Variants in DEAF1 observed in about 807,000 individuals in gnomAD.
DEAF1 encodes DEAF1 transcription factor.
Under a neutral mutation model 58.9 loss-of-function variants are expected in DEAF1, and 53 were observed. That is an observed-to-expected ratio of 0.90 (90% CI 0.72 to 1.13). The LOEUF is 1.13. Among genes scored for constraint, DEAF1 ranks in the 50% most tolerant of loss-of-function variants. DEAF1 has a pLI of 0.00. For synonymous variants in DEAF1, 385 were observed against 340.4 expected (o/e 1.13, Z -1.44); for missense variants, 685 against 791.4 (o/e 0.87, Z 1.61).
intron 11 of DEAF1, among the ~76,000 whole-genome samples, chr11:650,500 T>C (rs906904578): frequency 2.7e-5 from 4 of 150,468 alleles, no homozygotes; most frequent in African/African-American, 9.7e-5. Flanking sequence ...AGTAACAAGA[T>C]GTTTGTTTAT....
chr11:701,612 T>C (rs534810346), intron 1 of DEAF1, among the ~76,000 whole-genome samples: 5 of 151,934 alleles, frequency 3.3e-5, no homozygotes, highest in African/African-American at 1.2e-4. Context: ...GGTTTCACCA[T>C]GTTAGCCAGG....
rs977977311 is a variant in DEAF1 at position 701,625 on chromosome 11, G to A, written c.-438+4947C>T. On this transcript the variant is annotated intron_variant, in intron 1 of 11. Coordinates refer to the DEAF1 transcript ENST00000683307. ...GGGGTTTCACCATGTTAGCCAGGATGGTTTCCATCTCCTGACCTCCTGATC... is the reference window on the plus strand; with the variant it reads ...GGGGTTTCACCATGTTAGCCAGGATAGTTTCCATCTCCTGACCTCCTGATC... Among the ~76,000 whole-genome samples, 4 of 151,830 alleles carry A rather than the reference G, an allele frequency of 2.6e-5. 1 individual carries two copies. Among genetic ancestry groups the A allele is most frequent in the African/African-American group, 4.8e-5 (2 of 41,328 alleles).
At position 694,859 on chromosome 11, in the gene DEAF1, G is replaced by C; in HGVS notation, c.189C>G (p.Val63=). The change falls in exon 1 of 12, where the codon GTC becomes GTG. Residue 63 remains valine, a synonymous_variant. Transcript: ENST00000382409. The part of the protein sequence containing the change: ...DSEAERETPR[V]TAVAVMAAEP... ...CCGCCGCCATCACCGCCACTGCCGT[G>C]ACCCGCGGCGTCTCCCGCTCCGCCT... 6.7e-7 allele frequency: 1 copy of C among 1,497,678 alleles called. No individual in the cohort carries two copies. The highest frequency in any genetic ancestry group is 8.9e-7 in the Non-Finnish European group (1 of 1,128,732). 92.8% of individuals were successfully genotyped at this position (1,497,678 alleles called of 1,614,324 possible).
rs1860687284 is a variant in DEAF1, at chr11:688,377, G to A, written c.471C>T (p.Ile157=). The A allele has an allele frequency of 1.2e-6, 2 of 1,613,858 alleles. No individual in the cohort carries two copies. Among genetic ancestry groups the A allele is most frequent in the Non-Finnish European group, 1.7e-6 (2 of 1,180,030 alleles). ...GGCCTTTCAGCCCGGTGGTCTCCAC[G>A]ATGCTCCCATCTGTGTGGACGACAA... ...TLIVVHTDGS[I]VETTGLKGPA... Residue 157 remains isoleucine (I), a synonymous_variant, in exon 3 of 12, where the codon ATC becomes ATT. Transcript: ENST00000382409. The surrounding 1 kb of genome is among the most constrained non-coding windows in gnomAD (Gnocchi z 4.3).
intron 9 of DEAF1, among the ~76,000 whole-genome samples, chr11:675,678 G>C (rs1860016592): frequency 6.6e-6 from 1 of 152,084 alleles, no homozygotes; most frequent in African/African-American, 2.4e-5. Flanking sequence ...ACAAAAATTA[G>C]CTAGGCGTGG....
chr11:680,743 A>C (rs985513454), intron 7 of DEAF1, among the ~76,000 whole-genome samples: 3 of 152,198 alleles, frequency 2.0e-5, no homozygotes, highest in African/African-American at 7.2e-5. Context: ...CAAGGCCAAC[A>C]GTGTCCGGGT....
chr11:692,718 G>A (rs1240650890), intron 1 of DEAF1, among the ~76,000 whole-genome samples: 1 of 152,170 alleles, frequency 6.6e-6, no homozygotes, highest in Admixed American at 6.5e-5. Flanking sequence ...CGGGCGTGGT[G>A]GCACATGCCT....
intron 7 of DEAF1, 92 bp from the exon 8 acceptor site, chr11:679,908 G>A: frequency 1.3e-6 from 2 of 1,567,384 alleles, no homozygotes; most frequent in South Asian, 1.1e-5. Flanking sequence ...TCCTTGTGGG[G>A]GCCTGGGCTG....
chr11:701,726 A>C (rs77121476), intron 1 of DEAF1, among the ~76,000 whole-genome samples: 1 of 151,882 alleles, frequency 6.6e-6, no homozygotes, highest in Admixed American at 6.6e-5. Flanking sequence ...GGGTTTCGCT[A>C]TGTTACCCTG....
At chr11:693,296 A>G (rs1860916710) in intron 1 of DEAF1, among the ~76,000 whole-genome samples, 1 of 152,206 alleles carries the variant, frequency 6.6e-6, no homozygotes, top group African/African-American at 2.4e-5. Flanking sequence ...ACCAGAGTTT[A>G]GCGACGGACG....
intron 10 of DEAF1, among the ~76,000 whole-genome samples, chr11:668,496 T>C (rs750414939): frequency 7.2e-5 from 11 of 152,216 alleles, no homozygotes; most frequent in Non-Finnish European, 1.6e-4. Context: ...CGCTGCAACC[T>C]CTACCCCTGG....
chr11:701,698 C>T (rs537107196), intron 1 of DEAF1, among the ~76,000 whole-genome samples: 10 of 152,044 alleles, frequency 6.6e-5, no homozygotes, highest in South Asian at 2.1e-4. Flanking sequence ...CGTGAGCCAC[C>T]GCGCCCGGCC....
At chr11:662,514 G>A (rs1564931570) in intron 10 of DEAF1, among the ~76,000 whole-genome samples, 2 of 152,004 alleles carry the variant, frequency 1.3e-5, no homozygotes, top group African/African-American at 2.4e-5. Flanking sequence ...TCCTCCCCTC[G>A]CCGACCTCCG....
intron 10 of DEAF1, among the ~76,000 whole-genome samples, chr11:662,340 G>A (rs1213390212): frequency 6.6e-6 from 1 of 152,222 alleles, no homozygotes; most frequent in Non-Finnish European, 1.5e-5. Flanking sequence ...TCTTCTTGCA[G>A]TGTGGCCCAG....
upstream of DEAF1, chr11:699,485 G>T (rs1185121641): frequency 6.5e-6 from 1 of 154,816 alleles, no homozygotes; most frequent in African/African-American, 2.4e-5. Context: ...AGTGGCTCAT[G>T]CCTGTAATCC....
chr11:647,768 G>A (rs1481302521), intron 11 of DEAF1, among the ~76,000 whole-genome samples: 2 of 152,216 alleles, frequency 1.3e-5, no homozygotes, highest in Non-Finnish European at 2.9e-5. Flanking sequence ...TAAAAGAAAA[G>A]TGTTGCCACC....
intron 11 of DEAF1, among the ~76,000 whole-genome samples, chr11:650,281 T>C (rs1236133732): frequency 7.1e-6 from 1 of 140,700 alleles, no homozygotes; most frequent in Non-Finnish European, 1.5e-5. Flanking sequence ...GGCTGAGCTA[T>C]GAGAATCACT....
At chr11:702,963 CAG>C (rs779900865) in intron 1 of DEAF1, 3 of 1,609,346 alleles carry the variant, frequency 1.9e-6, no homozygotes, top group Admixed American at 1.7e-5. Flanking sequence ...GGCAACCTGA[CAG>C]AGGCTGAGAG....
At chr11:668,678 C>T (rs1859664796) in intron 10 of DEAF1, among the ~76,000 whole-genome samples, 1 of 152,100 alleles carries the variant, frequency 6.6e-6, no homozygotes, top group Non-Finnish European at 1.5e-5. Context: ...AAAAATTAGC[C>T]AAGCATGGTG....
Sources: gnomAD v4.1 joint callset for allele counts (sites outside exome capture counted in the v4.1 genomes callset) on GRCh38, gnomAD v4.1.1 for gene constraint, Gnocchi (gnomAD v3.1) non-coding constraint, MANE v1.5 for transcripts, NCBI Gene and HGNC (gene_info 2026-07-23, HGNC 2026-07-21) for gene names.